The following EPHB2 variants were observed in gnomAD, a reference collection of about 807,000 sequenced individuals.
The protein encoded by EPHB2 is EPH receptor B2, also known as ephrin type-B receptor 2.
EPHB2 carries 18 observed loss-of-function variants against 96.4 expected under a neutral mutation model. The ratio of observed to expected loss-of-function variants is 0.19; its 90% CI spans 0.13 to 0.28. The LOEUF (loss-of-function observed/expected upper bound fraction) is 0.28, where lower values mean the gene tolerates loss of function less well. EPHB2 is among the 10% of genes least tolerant of loss of function. The pLI, the probability that EPHB2 is intolerant of heterozygous loss-of-function variation, is 1.00. For missense variants in EPHB2, 989 were observed against 1,355.4 expected (o/e 0.73, Z 4.25); for synonymous variants, 506 against 534.1 (o/e 0.95, Z 0.72).
Position 22,857,369 on chromosome 1 carries a change from C to T in EPHB2, c.812-5668C>T, listed in dbSNP as rs145056910. Among the ~76,000 whole-genome samples the T allele has an allele frequency of 3.4e-3, 511 of 152,080 alleles. 4 individuals are homozygous for T. The highest frequency in any genetic ancestry group is 5.7e-3 in the Non-Finnish European group (389 of 68,008). ...CGCTGTAGGAGAATGGAGGGCAGGC[C>T]GCCTAAAAGTGGGCACACACATCAG... On this transcript the variant is annotated intron_variant, in intron 3 of 15. Coordinates refer to ENST00000374630, the MANE Select transcript of EPHB2 (RefSeq NM_017449.5).
At chr1:22,740,100 CG>C (rs1643885449) in intron 1 of EPHB2, among the ~76,000 whole-genome samples, 1 of 152,206 alleles carries the variant, frequency 6.6e-6, no homozygotes, top group Non-Finnish European at 1.5e-5. Context: ...CTGAGCCCTT[CG>C]TTGCTTCCTT....
At chr1:22,768,494 A>T (rs12049176) in intron 1 of EPHB2, among the ~76,000 whole-genome samples, 13 of 151,696 alleles carry the variant, frequency 8.6e-5, no homozygotes, top group African/African-American at 1.2e-4. Flanking sequence ...CAAGACCAGC[A>T]TGGGGAACAT....
chr1:22,839,768 A>G (rs1414264242), intron 3 of EPHB2, among the ~76,000 whole-genome samples: 8 of 152,188 alleles, frequency 5.3e-5, no homozygotes, highest in Non-Finnish European at 1.2e-4. Context: ...ACCCTGGTGA[A>G]TGGGCAAAGT....
intron 12 of EPHB2, 130 bp from the exon 13 acceptor site, chr1:22,908,892 T>A: frequency 7.1e-7 from 1 of 1,401,980 alleles, no homozygotes; most frequent in East Asian, 2.5e-5. Context: ...TGAAGCTGCA[T>A]GGTAAGTTTG....
At chr1:22,755,547 G>A (rs1644135972) in intron 1 of EPHB2, among the ~76,000 whole-genome samples, 1 of 152,146 alleles carries the variant, frequency 6.6e-6, no homozygotes, top group Non-Finnish European at 1.5e-5. Context: ...GTAGACAAAT[G>A]GTGAGGACAG....
At chr1:22,862,610 C>T (rs1638304748) in intron 3 of EPHB2, among the ~76,000 whole-genome samples, 1 of 152,206 alleles carries the variant, frequency 6.6e-6, no homozygotes, top group Non-Finnish European at 1.5e-5. Context: ...TAGGACTTTT[C>T]TTCTGCCGTA....
At chr1:22,866,018 T>C (rs1014006626) in intron 5 of EPHB2, among the ~76,000 whole-genome samples, 2 of 151,866 alleles carry the variant, frequency 1.3e-5, no homozygotes, top group South Asian at 2.1e-4. Flanking sequence ...CCCACTCCAC[T>C]TGGGCTCCTA....
At chr1:22,800,700 A>ATGTG (rs1407584015) in intron 3 of EPHB2, among the ~76,000 whole-genome samples, 1 of 108,422 alleles carries the variant, frequency 9.2e-6, no homozygotes, top group African/African-American at 3.0e-5. Flanking sequence ...CTGTGTGAGT[A>ATGTG]TATGTGTGTG....
At chr1:22,912,347 C>G in intron 14 of EPHB2, 97 bp from the exon 15 acceptor site, 1 of 1,531,354 alleles carries the variant, frequency 6.5e-7, no homozygotes, top group Non-Finnish European at 9.0e-7. Flanking sequence ...TGGATGCACA[C>G]GTGCACATTC....
At chr1:22,861,536 G>C (rs1638260042) in intron 3 of EPHB2, among the ~76,000 whole-genome samples, 1 of 152,140 alleles carries the variant, frequency 6.6e-6, no homozygotes, top group Non-Finnish European at 1.5e-5. Flanking sequence ...CACTTGCTGG[G>C]TGCAGATTCT....
chr1:22,896,330 C>A, intron 8 of EPHB2, 84 bp from the exon 9 acceptor site: 1 of 1,582,748 alleles, frequency 6.3e-7, no homozygotes, highest in Non-Finnish European at 8.7e-7. Flanking sequence ...TAGGGCCTGC[C>A]CACCCTCTCC....
chr1:22,906,605 A>G lies in EPHB2; in HGVS notation c.1889-105A>G. The G allele has an allele frequency of 1.3e-6, 2 of 1,557,488 alleles. No individual in the cohort carries two copies. The highest frequency in any genetic ancestry group is 1.7e-6 in the Non-Finnish European group (2 of 1,149,278). ...TGCAAGGATGAGTGGGCCATTGAGA[A>G]GAAAATGTACCTGCAGGCCCCGTGA... On this transcript the variant is annotated intron_variant, in intron 10 of 15. Transcript: ENST00000374630. The surrounding 1 kb of genome is among the most constrained non-coding windows in gnomAD (Gnocchi z 4.8).
At chr1:22,882,546 AG>A (rs1639084372) in intron 6 of EPHB2, 63 bp downstream of exon 6, 12 of 1,603,694 alleles carry the variant, frequency 7.5e-6, no homozygotes, top group Middle Eastern at 1.8e-4. Flanking sequence ...TCCCAGGCTG[AG>A]GCCTGGGAGT....
chr1:22,892,790 C>A, intron 6 of EPHB2, 94 bp from the exon 7 acceptor site: 2 of 1,511,016 alleles, frequency 1.3e-6, no homozygotes, highest in Non-Finnish European at 1.8e-6. Context: ...TATCCAATGG[C>A]CAGACCTGCC....
intron 13 of EPHB2, among the ~76,000 whole-genome samples, chr1:22,909,975 G>A (rs1055549400): frequency 3.9e-5 from 6 of 152,094 alleles, no homozygotes; most frequent in South Asian, 2.1e-4. Context: ...GCTGTAAATG[G>A]CACTAAAATC....
At chr1:22,864,643 T>C (rs1243588485) in intron 4 of EPHB2, among the ~76,000 whole-genome samples, 4 of 152,172 alleles carry the variant, frequency 2.6e-5, no homozygotes, top group African/African-American at 9.7e-5. Context: ...GCAAAAATAC[T>C]ATCCTCAGTA....
At chr1:22,789,627 C>T (rs967343006) in intron 3 of EPHB2, among the ~76,000 whole-genome samples, 1 of 152,220 alleles carries the variant, frequency 6.6e-6, no homozygotes, top group African/African-American at 2.4e-5. Flanking sequence ...TGCTGTGAGC[C>T]AGACACATTC....
At chr1:22,794,639 A>T (rs955028077) in intron 3 of EPHB2, among the ~76,000 whole-genome samples, 3 of 152,124 alleles carry the variant, frequency 2.0e-5, no homozygotes, top group Admixed American at 2.0e-4. Flanking sequence ...CAGTCACCCT[A>T]CAGGGTTAGA....
chr1:22,865,189 T>C lies in EPHB2; in HGVS notation c.1280T>C (p.Val427Ala). The change falls in exon 5 of 16, where the codon GTG (valine) becomes GCG (alanine). Residue 427 changes from valine (V) to alanine (A), a missense_variant. Coordinates refer to ENST00000374630, the MANE Select transcript of EPHB2 (RefSeq NM_017449.5). Reference sequence around the variant, plus strand: ...CCCTTCTCGCCTCAGTTCGCCTCTGTGAACATCACCACCAACCAGGCAGGT... The same window carrying C: ...CCCTTCTCGCCTCAGTTCGCCTCTGCGAACATCACCACCAACCAGGCAGGT... Reference protein sequence around the residue: ...QSPFSPQFASVNITTNQAAPS... With the variant: ...QSPFSPQFASANITTNQAAPS... 2.5e-6 allele frequency: 4 copies of C among 1,614,194 alleles called. No individual in the cohort carries two copies. The highest frequency in any genetic ancestry group is 3.4e-6 in the Non-Finnish European group (4 of 1,180,050).
Sources: allele counts gnomAD v4.1 joint callset (sites outside exome capture counted in the v4.1 genomes callset), GRCh38; gene constraint gnomAD v4.1.1; non-coding constraint Gnocchi (gnomAD v3.1); transcripts MANE v1.5; gene names NCBI Gene and HGNC (gene_info 2026-07-23, HGNC 2026-07-21).